The following JARID2 variants were observed in gnomAD, a reference collection of about 807,000 sequenced individuals.
The protein encoded by JARID2 is protein Jumonji.
Under a neutral mutation model 125.6 loss-of-function variants are expected in JARID2, and 21 were observed. That is an observed-to-expected ratio of 0.17 (90% confidence interval 0.12 to 0.24). JARID2 has a LOEUF of 0.24. JARID2 is among the 10% of genes least tolerant of loss of function. The pLI is 1.00. For synonymous variants in JARID2, 736 were observed against 661.6 expected, an observed-to-expected ratio of 1.11 and a Z score of -1.73; for missense variants, 1,303 against 1,639.6, an observed-to-expected ratio of 0.79 and a Z score of 3.55.
rs1764700948 is a variant in JARID2 at position 15,384,322 on chromosome 6, G to C, written c.181+10070G>C. Among the ~76,000 whole-genome samples, 3 of 151,578 alleles carry C rather than the reference G, an allele frequency of 2.0e-5. No homozygotes were observed. The South Asian group carries it at 6.2e-4, about 32-fold the overall frequency. On this transcript the variant is annotated intron_variant, in intron 2 of 17. Coordinates refer to ENST00000341776, the MANE Select transcript of JARID2 (RefSeq NM_004973.4). ...GGGTGATCTTGAACTCCTGGGCTTA[G>C]CTGTTCCTTCGAAAGTCAAGTTTAA...
intron 1 of JARID2, among the ~76,000 whole-genome samples, chr6:15,325,702 A>AG (rs1262266244): frequency 6.6e-6 from 1 of 152,188 alleles, no homozygotes; most frequent in African/African-American, 2.4e-5. Context: ...ACTGTCATCT[A>AG]GGGATCCCTA....
At chr6:15,510,967 G>A (rs949939928) in intron 12 of JARID2, among the ~76,000 whole-genome samples, 11 of 152,222 alleles carry the variant, frequency 7.2e-5, no homozygotes, top group Admixed American at 2.0e-4. Flanking sequence ...CAGTGTGTCT[G>A]GTTCTGATTT....
chr6:15,307,318 A>G (rs1483656044), intron 1 of JARID2, among the ~76,000 whole-genome samples: 1 of 151,700 alleles, frequency 6.6e-6, no homozygotes, highest in African/African-American at 2.4e-5. Context: ...GCACCCCCGG[A>G]TTCAGGTGAT....
intron 1 of JARID2, among the ~76,000 whole-genome samples, chr6:15,338,318 G>A (rs373171236): frequency 6.6e-6 from 1 of 152,314 alleles, no homozygotes; most frequent in South Asian, 2.1e-4. Context: ...TACTCCTCTG[G>A]AGTGTGTCCT....
intron 1 of JARID2, among the ~76,000 whole-genome samples, chr6:15,302,130 A>T (rs534525304): frequency 6.6e-6 from 1 of 152,164 alleles, no homozygotes; most frequent in Non-Finnish European, 1.5e-5. Flanking sequence ...AAGAGTAATG[A>T]AGAGGCCGGG....
At chr6:15,412,061 T>C (rs1291075430) in intron 3 of JARID2, among the ~76,000 whole-genome samples, 1 of 152,266 alleles carries the variant, frequency 6.6e-6, no homozygotes, top group Non-Finnish European at 1.5e-5. Flanking sequence ...AGGAACTCTT[T>C]TTCAGAGTTA....
intron 3 of JARID2, among the ~76,000 whole-genome samples, chr6:15,427,296 C>T (rs906349240): frequency 1.3e-5 from 2 of 152,152 alleles, no homozygotes; most frequent in Admixed American, 1.3e-4. Flanking sequence ...TAGATGTTGG[C>T]GAACACTTGT....
intron 17 of JARID2, among the ~76,000 whole-genome samples, chr6:15,518,520 T>A (rs1249837614): frequency 6.6e-6 from 1 of 152,204 alleles, no homozygotes; most frequent in Non-Finnish European, 1.5e-5. Context: ...TCTCGCTCTG[T>A]CGCCAGGCTG....
intron 4 of JARID2, among the ~76,000 whole-genome samples, chr6:15,464,163 G>A (rs1236443117): frequency 1.3e-5 from 2 of 152,050 alleles, no homozygotes; most frequent in Non-Finnish European, 2.9e-5. Flanking sequence ...TTTGTCTCGA[G>A]GAGAAAAAAA....
chr6:15,298,575 G>T (rs1382654682), intron 1 of JARID2, among the ~76,000 whole-genome samples: 1 of 151,752 alleles, frequency 6.6e-6, no homozygotes, highest in East Asian at 1.9e-4. Context: ...AGCTACCCGG[G>T]AGGCTGAGGC....
rs190005546 is a variant in JARID2, at chr6:15,404,047, C to T, written c.182-6177C>T. Among the ~76,000 whole-genome samples the T allele has an allele frequency of 1.1e-4, 17 of 152,286 alleles. No homozygotes were observed. In the East Asian group the frequency reaches 2.3e-3, roughly 21 times the overall value. ...AAAGGGATAATTATTTTCCATAAGC[C>T]GAGGTATGAAACCACTTTCATTTGT... On this transcript the variant is annotated intron_variant, in intron 2 of 17. Coordinates refer to ENST00000341776, the MANE Select transcript of JARID2 (RefSeq NM_004973.4).
At chr6:15,467,891 G>A (rs1323647236) in intron 4 of JARID2, among the ~76,000 whole-genome samples, 1 of 152,188 alleles carries the variant, frequency 6.6e-6, no homozygotes, top group African/African-American at 2.4e-5. Flanking sequence ...AGGTTAAGAT[G>A]TAAAAGGGTA....
At chr6:15,469,330 C>G (rs868139788) in intron 5 of JARID2, among the ~76,000 whole-genome samples, 7 of 102,162 alleles carry the variant, frequency 6.9e-5, no homozygotes, top group Admixed American at 1.9e-4. Flanking sequence ...CTCTCTCTCT[C>G]TCTCTCCTGT....
At chr6:15,346,569 G>T (rs1194497901) in intron 1 of JARID2, among the ~76,000 whole-genome samples, 8 of 151,898 alleles carry the variant, frequency 5.3e-5, no homozygotes, top group African/African-American at 1.9e-4. Flanking sequence ...GCGTTTGGTT[G>T]ATGCATCTGT....
intron 1 of JARID2, among the ~76,000 whole-genome samples, chr6:15,313,897 C>G (rs73726545): frequency 1.4e-4 from 22 of 152,240 alleles, no homozygotes; most frequent in Non-Finnish European, 2.8e-4. Flanking sequence ...TGGTAATTAC[C>G]TTTGGCCTGT....
rs186953513 is a variant in JARID2, at chr6:15,368,953, T to A, written c.46-5164T>A. On this transcript the variant is annotated intron_variant, in intron 1 of 17. Coordinates refer to ENST00000341776, the MANE Select transcript of JARID2 (RefSeq NM_004973.4). ...CCCTAGATCTGGATGGGACCCAGGA[T>A]TCTGCTTTTCTAACAGGCTGCCGAG... Among the ~76,000 whole-genome samples the A allele has an allele frequency of 2.5e-3, 374 of 152,112 alleles. 1 individual carries two copies. Among genetic ancestry groups the A allele is most frequent in the South Asian group, 4.8e-3 (23 of 4,820 alleles).
At chr6:15,517,391 T>C in intron 17 of JARID2, 123 bp downstream of exon 17, 1 of 685,062 alleles carries the variant, frequency 1.5e-6, no homozygotes, top group Non-Finnish European at 2.6e-6. Context: ...TCTGCAGGCC[T>C]GAGGTGCCCT....
chr6:15,459,697 A>G (rs948865307), intron 4 of JARID2, among the ~76,000 whole-genome samples: 1 of 152,230 alleles, frequency 6.6e-6, no homozygotes, highest in African/African-American at 2.4e-5. Context: ...TGTTTTTTCT[A>G]AAGAGCGTTG....
intron 4 of JARID2, among the ~76,000 whole-genome samples, chr6:15,466,050 C>T (rs531202693): frequency 2.8e-4 from 42 of 152,254 alleles, no homozygotes; most frequent in African/African-American, 9.6e-4. Context: ...GTGCACCACC[C>T]GCCTTGGCTT....
Sources: gnomAD v4.1 joint callset for allele counts (sites outside exome capture counted in the v4.1 genomes callset) on GRCh38, gnomAD v4.1.1 for gene constraint, MANE v1.5 for transcripts, NCBI Gene and HGNC (gene_info 2026-07-23, HGNC 2026-07-21) for gene names.